AGBL1: variants seen among roughly 807,000 people sequenced by gnomAD.
AGBL1 encodes the protein cytosolic carboxypeptidase 4.
A neutral mutation model predicts 118.9 loss-of-function variants in AGBL1; 130 were observed. The ratio of observed to expected loss-of-function variants is 1.09; its 90% CI spans 0.95 to 1.26. The LOEUF is 1.26. Ranked by LOEUF, AGBL1 falls within the 50% of genes most tolerant of loss-of-function variation. The pLI is 0.00. For missense variants in AGBL1, 1,584 were observed against 1,298.1 expected (o/e 1.22, Z -3.38); for synonymous variants, 555 against 478.9 (o/e 1.16, Z -2.08).
At chr15:86,659,380 A>T (rs796205283) in intron 21 of AGBL1, among the ~76,000 whole-genome samples, 24 of 152,282 alleles carry the variant, frequency 1.6e-4, no homozygotes, top group African/African-American at 5.5e-4. Context: ...GGCTTCCATA[A>T]GCTAAGACCC....
At chr15:86,450,877 A>G (rs1450659397) in intron 18 of AGBL1, among the ~76,000 whole-genome samples, 2 of 152,308 alleles carry the variant, frequency 1.3e-5, no homozygotes, top group Admixed American at 1.3e-4. Flanking sequence ...TATCTTCATT[A>G]GTTACTGATT....
intron 22 of AGBL1, among the ~76,000 whole-genome samples, chr15:86,765,448 G>A (rs547405218): frequency 6.6e-6 from 1 of 152,026 alleles, no homozygotes; most frequent in South Asian, 2.1e-4. Flanking sequence ...GTATTATAGC[G>A]AGGGCAGGAA....
chr15:86,128,025 T>G (rs1391108203), intron 1 of AGBL1, among the ~76,000 whole-genome samples: 1 of 152,154 alleles, frequency 6.6e-6, no homozygotes, highest in Non-Finnish European at 1.5e-5. Context: ...TGGGGGGTGG[T>G]TGTTTTAGTG....
intron 21 of AGBL1, among the ~76,000 whole-genome samples, chr15:86,637,698 G>T (rs1317476359): frequency 6.6e-6 from 1 of 152,144 alleles, no homozygotes; most frequent in Non-Finnish European, 1.5e-5. Flanking sequence ...AGGGGTGGTG[G>T]TGGTAAGAAG....
chr15:86,804,356 A>C (rs1031892970), intron 22 of AGBL1, among the ~76,000 whole-genome samples: 14 of 152,182 alleles, frequency 9.2e-5, no homozygotes, highest in African/African-American at 3.4e-4. Flanking sequence ...GTTCTTAAAC[A>C]TACAGCTGGT....
At chr15:86,539,361 A>G (rs766261715) in intron 19 of AGBL1, among the ~76,000 whole-genome samples, 16 of 151,936 alleles carry the variant, frequency 1.1e-4, no homozygotes, top group Admixed American at 3.9e-4. Flanking sequence ...TTACTTCTTT[A>G]CTCTCACAAA....
rs138023798 is a variant in AGBL1, at chr15:86,840,711, A to ATT, written c.3159-66375_3159-66374dup. Among the ~76,000 whole-genome samples the ATT allele has an allele frequency of 7.6e-3, 1,162 of 152,228 alleles. 11 individuals are homozygous for ATT. Among genetic ancestry groups the ATT allele is most frequent in the African/African-American group, 0.018 (730 of 41,544 alleles). The stretch of plus-strand genomic sequence containing the variant: ...CACCTCAGCCTCCCAAAGTGCTGGG[A>ATT]TTACAGACGTGAGCCACCACACCCG... On this transcript the variant is annotated intron_variant, in intron 22 of 22. Transcript: ENST00000614907.
intron 5 of AGBL1, among the ~76,000 whole-genome samples, chr15:86,207,314 A>C (rs999204024): frequency 6.6e-6 from 1 of 152,212 alleles, no homozygotes; most frequent in African/African-American, 2.4e-5. Flanking sequence ...GTTCCATATG[A>C]ACTTTAAAAA....
At chr15:86,547,659 T>A (rs945327094) in intron 20 of AGBL1, among the ~76,000 whole-genome samples, 5 of 152,156 alleles carry the variant, frequency 3.3e-5, no homozygotes, top group African/African-American at 1.2e-4. Flanking sequence ...CCTATGAGAA[T>A]AAGGACAGTG....
intron 23 of AGBL1, among the ~76,000 whole-genome samples, chr15:86,987,723 C>G (rs2081298829): frequency 1.3e-5 from 2 of 152,120 alleles, no homozygotes; most frequent in Admixed American, 1.3e-4. Context: ...CCATACATTC[C>G]TGACAATGAT....
chr15:86,507,235 C>T (rs796285559), intron 18 of AGBL1, among the ~76,000 whole-genome samples: 5 of 152,026 alleles, frequency 3.3e-5, no homozygotes, highest in African/African-American at 1.2e-4. Context: ...AAGAATCAAG[C>T]TTACTTATCA....
chr15:86,933,422 A>T (rs1277472304), intron 23 of AGBL1, among the ~76,000 whole-genome samples: 1 of 152,170 alleles, frequency 6.6e-6, no homozygotes, highest in Non-Finnish European at 1.5e-5. Context: ...TCTATAGCTC[A>T]TTACAGCTCA....
intron 17 of AGBL1, among the ~76,000 whole-genome samples, chr15:86,363,471 C>T (rs1240000130): frequency 1.3e-5 from 2 of 152,104 alleles, no homozygotes; most frequent in Non-Finnish European, 2.9e-5. Flanking sequence ...CACTTGAATT[C>T]TTCATGACCC....
intron 18 of AGBL1, among the ~76,000 whole-genome samples, chr15:86,500,739 G>C (rs1347587395): frequency 6.6e-6 from 1 of 151,670 alleles, no homozygotes; most frequent in African/African-American, 2.4e-5. Flanking sequence ...CATATAAATG[G>C]TATGATATAA....
At chr15:86,832,656 C>G (rs893658724) in intron 22 of AGBL1, among the ~76,000 whole-genome samples, 1 of 152,202 alleles carries the variant, frequency 6.6e-6, no homozygotes, top group Non-Finnish European at 1.5e-5. Context: ...TCAGCCTGGA[C>G]TTTGTTGCCC....
intron 22 of AGBL1, among the ~76,000 whole-genome samples, chr15:86,774,007 C>A (rs181005480): frequency 3.9e-5 from 6 of 152,180 alleles, no homozygotes; most frequent in Admixed American, 3.9e-4. Context: ...GCCCCAATGA[C>A]CCACATTCAG....
chr15:86,917,614 C>A (rs138997487), downstream of AGBL1, among the ~76,000 whole-genome samples: 2 of 152,126 alleles, frequency 1.3e-5, no homozygotes, highest in African/African-American at 4.8e-5. The surrounding 1 kb of genome is among the most constrained non-coding windows in gnomAD (Gnocchi z 4.8). Flanking sequence ...CTTGTCATTG[C>A]GAAGCGTAGA....
intron 22 of AGBL1, among the ~76,000 whole-genome samples, chr15:86,742,724 T>C (rs2077697700): frequency 6.6e-6 from 1 of 152,152 alleles, no homozygotes; most frequent in African/African-American, 2.4e-5. Context: ...AGAACCTCTT[T>C]CCTTCAGTGC....
At chr15:86,360,305 T>C (rs1234377217) in intron 17 of AGBL1, among the ~76,000 whole-genome samples, 3 of 150,020 alleles carry the variant, frequency 2.0e-5, no homozygotes, top group African/African-American at 4.9e-5. Context: ...GATATAATAA[T>C]GTAGGGTTTT....
Sources: gnomAD v4.1 joint callset for allele counts (sites outside exome capture counted in the v4.1 genomes callset) on GRCh38, gnomAD v4.1.1 for gene constraint, Gnocchi (gnomAD v3.1) non-coding constraint, MANE v1.5 for transcripts, NCBI Gene and HGNC (gene_info 2026-07-23, HGNC 2026-07-21) for gene names.